Variants in PTPRT observed in about 807,000 individuals in gnomAD.
The protein encoded by PTPRT is receptor-type tyrosine-protein phosphatase T.
In PTPRT, 56 loss-of-function variants were observed where a neutral mutation model predicts 176.8. The ratio of observed to expected loss-of-function variants is 0.32; its 90% confidence interval spans 0.26 to 0.40. PTPRT has a LOEUF of 0.40. Ranked by LOEUF, PTPRT falls within the 10% of genes least tolerant of loss-of-function variation. The probability of loss-of-function intolerance (pLI) is 1.00; values close to 1 mark genes in which losing one functional copy is unlikely to be tolerated. For synonymous variants in PTPRT, 783 were observed against 739.0 expected, an observed-to-expected ratio of 1.06 and a Z score of -0.96; for missense variants, 1,540 against 1,908.2, an observed-to-expected ratio of 0.81 and a Z score of 3.60.
At chr20:42,240,742 T>G (rs1424179738) in intron 14 of PTPRT, among the ~76,000 whole-genome samples, 1 of 151,814 alleles carries the variant, frequency 6.6e-6, no homozygotes, top group African/African-American at 2.4e-5. Flanking sequence ...CACCCACCCA[T>G]CATCCATTTA....
chr20:42,113,695 C>T (rs1385546872), intron 22 of PTPRT, among the ~76,000 whole-genome samples: 1 of 152,230 alleles, frequency 6.6e-6, no homozygotes, highest in Non-Finnish European at 1.5e-5. Context: ...CCTTCCCTCT[C>T]CTGCTTCCCA....
intron 16 of PTPRT, among the ~76,000 whole-genome samples, chr20:42,185,928 C>T (rs1394840459): frequency 2.0e-5 from 3 of 152,088 alleles, no homozygotes; most frequent in Non-Finnish European, 2.9e-5. Flanking sequence ...AAACATGGTC[C>T]TCCTTTCTTC....
intron 1 of PTPRT, among the ~76,000 whole-genome samples, chr20:42,986,417 T>C (rs145292870): frequency 9.9e-5 from 15 of 152,138 alleles, no homozygotes; most frequent in African/African-American, 3.1e-4. Flanking sequence ...GACCTAAGCA[T>C]TCTGGCATCT....
chr20:42,556,917 C>T (rs563693756), intron 7 of PTPRT, among the ~76,000 whole-genome samples: 5 of 152,228 alleles, frequency 3.3e-5, no homozygotes, highest in East Asian at 1.9e-4. Flanking sequence ...AGAGCTACTC[C>T]GCACCAGGGT....
intron 2 of PTPRT, among the ~76,000 whole-genome samples, chr20:42,835,367 A>G (rs2078163499): frequency 6.6e-6 from 1 of 152,232 alleles, no homozygotes; most frequent in South Asian, 2.1e-4. Context: ...GGGGACTTCA[A>G]AAGGAAACTT....
At chr20:42,525,008 T>G (rs1035044948) in intron 7 of PTPRT, among the ~76,000 whole-genome samples, 3 of 152,180 alleles carry the variant, frequency 2.0e-5, no homozygotes, top group Non-Finnish European at 4.4e-5. Flanking sequence ...ATTCATGCAT[T>G]TTGAGACAGG....
At chr20:42,754,378 G>A (rs2076801472) in intron 6 of PTPRT, among the ~76,000 whole-genome samples, 1 of 151,836 alleles carries the variant, frequency 6.6e-6, no homozygotes, top group Non-Finnish European at 1.5e-5. Context: ...TAGAGACGGG[G>A]TTTCACCATG....
intron 11 of PTPRT, among the ~76,000 whole-genome samples, chr20:42,321,657 T>C (rs1029520067): frequency 2.0e-5 from 3 of 152,210 alleles, no homozygotes; most frequent in Non-Finnish European, 4.4e-5. Context: ...TATTTAATTA[T>C]TTGTTTACTG....
intron 9 of PTPRT, among the ~76,000 whole-genome samples, chr20:42,355,306 C>T (rs1476592989): frequency 6.6e-6 from 1 of 152,160 alleles, no homozygotes; most frequent in Non-Finnish European, 1.5e-5. Flanking sequence ...TGATGATTGG[C>T]TACTTTCCTT....
intron 1 of PTPRT, among the ~76,000 whole-genome samples, chr20:43,166,086 A>G (rs1484685707): frequency 2.0e-5 from 3 of 152,224 alleles, no homozygotes; most frequent in Non-Finnish European, 4.4e-5. Flanking sequence ...GCACTTTGGG[A>G]GGCCAAGGCA....
intron 12 of PTPRT, among the ~76,000 whole-genome samples, chr20:42,313,827 T>TTCTCTTTGTAGTCTTATGCTCTCTGTGAG (rs1568765124): frequency 2.0e-5 from 3 of 152,194 alleles, no homozygotes; most frequent in Non-Finnish European, 4.4e-5. Flanking sequence ...GTCTGGCAGC[T>TTCTCTTTGTAGTCTTATGCTCTCTGTGAG]TCTCTTTGTA....
chr20:42,879,442 G>A (rs1449670803), intron 2 of PTPRT, among the ~76,000 whole-genome samples: 1 of 152,132 alleles, frequency 6.6e-6, no homozygotes, highest in South Asian at 2.1e-4. Context: ...GCCTCCACGA[G>A]TCGTATTGGG....
intron 15 of PTPRT, among the ~76,000 whole-genome samples, chr20:42,222,040 GGCTA>G (rs1271282655): frequency 6.6e-6 from 1 of 152,124 alleles, no homozygotes; most frequent in Non-Finnish European, 1.5e-5. Context: ...AAAGGGTAAG[GGCTA>G]GCTTTGGACC....
chr20:42,994,326 A>G (rs1984112162), intron 1 of PTPRT, among the ~76,000 whole-genome samples: 1 of 152,220 alleles, frequency 6.6e-6, no homozygotes, highest in African/African-American at 2.4e-5. Context: ...AAATGTCAAT[A>G]TGACAAGTTA....
intron 1 of PTPRT, among the ~76,000 whole-genome samples, chr20:43,053,597 C>G (rs1987127589): frequency 6.6e-6 from 1 of 152,208 alleles, no homozygotes; most frequent in African/African-American, 2.4e-5. Context: ...CACTTCTGTT[C>G]CTGCCTCTGT....
intron 14 of PTPRT, among the ~76,000 whole-genome samples, chr20:42,237,387 A>G (rs2056266910): frequency 6.6e-6 from 1 of 152,172 alleles, no homozygotes; most frequent in African/African-American, 2.4e-5. Context: ...TCATTTCTGC[A>G]TCTGTCCCTT....
chr20:42,998,064 A>C (rs1394712430), intron 1 of PTPRT, among the ~76,000 whole-genome samples: 1 of 152,170 alleles, frequency 6.6e-6, no homozygotes, highest in Non-Finnish European at 1.5e-5. Context: ...TTTTCCTTTA[A>C]GCTAAGTACC....
At chr20:42,106,730 G>A in intron 24 of PTPRT, 56 bp downstream of exon 24, 4 of 1,580,192 alleles carry the variant, frequency 2.5e-6, no homozygotes, top group Non-Finnish European at 3.5e-6. Flanking sequence ...CTATCATCAT[G>A]TTTCTCCTTG....
chr20:42,979,536 G>A (rs569581948), intron 1 of PTPRT, among the ~76,000 whole-genome samples: 71 of 151,992 alleles, frequency 4.7e-4, no homozygotes, highest in Non-Finnish European at 8.1e-4. Flanking sequence ...TATTTCAGAC[G>A]GGTGAAATGT....
Sources: gnomAD v4.1 joint callset for allele counts (sites outside exome capture counted in the v4.1 genomes callset) on GRCh38, gnomAD v4.1.1 for gene constraint, MANE v1.5 for transcripts, NCBI Gene and HGNC (gene_info 2026-07-23, HGNC 2026-07-21) for gene names.